LARP4B: variants seen among roughly 807,000 people sequenced by gnomAD.
LARP4B encodes La ribonucleoprotein 4B, also known as la-related protein 4B.
A neutral mutation model predicts 89.8 loss-of-function variants in LARP4B; 12 were observed. That is an observed-to-expected ratio of 0.13 (90% CI 0.09 to 0.22). LARP4B has a LOEUF of 0.22. LARP4B is among the 10% of genes least tolerant of loss of function. LARP4B has a pLI of 1.00. For synonymous variants in LARP4B, 367 were observed against 363.3 expected (o/e 1.01, Z -0.12); for missense variants, 757 against 947.7 (o/e 0.80, Z 2.64).
intron 1 of LARP4B, among the ~76,000 whole-genome samples, chr10:930,311 T>C (rs1837262164): frequency 6.6e-6 from 1 of 152,210 alleles, no homozygotes; most frequent in African/African-American, 2.4e-5. Context: ...GCCTCACGCA[T>C]ACTGTTTATA....
intron 14 of LARP4B, 68 bp downstream of exon 14, chr10:820,732 T>C (rs1832309226): frequency 1.5e-6 from 2 of 1,370,970 alleles, no homozygotes; most frequent in Non-Finnish European, 2.1e-6. Context: ...TCCATTTAAT[T>C]AAATCTCAGG....
chr10:867,304 G>C (rs1936159274), intron 3 of LARP4B, among the ~76,000 whole-genome samples: 1 of 152,146 alleles, frequency 6.6e-6, no homozygotes, highest in Admixed American at 6.5e-5. Flanking sequence ...ACAAGTCTTG[G>C]AGGTCGTTAT....
chr10:884,176 T>C lies in LARP4B; in HGVS notation c.141+271A>G, dbSNP rs1009220624. On this transcript the variant is annotated intron_variant, in intron 3 of 17. Coordinates refer to ENST00000316157, the MANE Select transcript of LARP4B (RefSeq NM_015155.3). ...GATTATCAATGATACAATAAAAATT[T>C]TGTAATATTTGAAAATAAATTAATC... Among the ~76,000 whole-genome samples the C allele has an allele frequency of 5.9e-5, 9 of 152,228 alleles. No homozygotes were observed. The East Asian group carries it at 1.5e-3, about 26-fold the overall frequency.
downstream of LARP4B, chr10:807,893 T>C (rs1256623063): frequency 1.3e-5 from 2 of 152,308 alleles, no homozygotes; most frequent in African/African-American, 4.8e-5. Context: ...CACACCTTCG[T>C]CTAAGCAGAC....
chr10:945,275 T>G, the LARP4B span, among the ~76,000 whole-genome samples: 1 of 151,492 alleles, frequency 6.6e-6, no homozygotes, highest in Non-Finnish European at 1.5e-5. Context: ...TCCCAGCTAT[T>G]CAGGAGGCTG....
At chr10:841,005 T>C (rs780908793) in intron 7 of LARP4B, among the ~76,000 whole-genome samples, 1 of 152,104 alleles carries the variant, frequency 6.6e-6, no homozygotes, top group Admixed American at 6.5e-5. Context: ...TACAAAAAAT[T>C]AGCTGGGCGT....
At chr10:827,257 C>G (rs1012357232) in intron 11 of LARP4B, among the ~76,000 whole-genome samples, 13 of 149,238 alleles carry the variant, frequency 8.7e-5, no homozygotes, top group African/African-American at 3.3e-4. Flanking sequence ...GCCTGGGCGA[C>G]AGAGAGAGAC....
rs1215041359 is a variant in LARP4B at position 872,764 on chromosome 10, C to T, written c.142-8494G>A. Among the ~76,000 whole-genome samples the T allele has an allele frequency of 4.6e-5, 7 of 152,184 alleles. 1 individual carries two copies. Among genetic ancestry groups the T allele is most frequent in the Admixed American group, 4.6e-4 (7 of 15,284 alleles). ...AACAACCTTGTCGGCTGCCGTTACCCACACACAGTAGATCACAGACCCCCT... is the reference window on the plus strand; with the variant it reads ...AACAACCTTGTCGGCTGCCGTTACCTACACACAGTAGATCACAGACCCCCT... On this transcript the variant is annotated intron_variant, in intron 3 of 17. Coordinates refer to ENST00000316157, the MANE Select transcript of LARP4B (RefSeq NM_015155.3).
chr10:949,466 G>T, the LARP4B span, among the ~76,000 whole-genome samples: 2 of 150,026 alleles, frequency 1.3e-5, no homozygotes, highest in Non-Finnish European at 2.9e-5. Context: ...TCTCCAACCT[G>T]TTTTCCAGGC....
intron 13 of LARP4B, among the ~76,000 whole-genome samples, chr10:821,983 C>T (rs932750885): frequency 2.6e-5 from 4 of 152,164 alleles, no homozygotes; most frequent in Non-Finnish European, 4.4e-5. Flanking sequence ...TGCTCCTTGT[C>T]CTGGATCCAT....
intron 1 of LARP4B, among the ~76,000 whole-genome samples, chr10:898,986 G>C (rs1182076013): frequency 6.6e-6 from 1 of 152,196 alleles, no homozygotes; most frequent in Admixed American, 6.5e-5. Context: ...CCTCAGAGAA[G>C]TGCACCTACA....
rs763935481 is a variant in LARP4B, at chr10:810,545, A to C, written c.*2381T>G. 6.6e-5 allele frequency: 10 copies of C among 152,264 alleles called. No homozygotes were observed. Among genetic ancestry groups the C allele is most frequent in the Non-Finnish European group, 1.3e-4 (9 of 68,068 alleles). The allele number at this position is 152,264 out of a possible 1,614,324, so 9.4% of individuals were successfully genotyped here. ...ACTTCGGTCGACAAAGTGAAGGACT[A>C]AGCTGGCTCTAACCACACACACACA... On this transcript the variant is annotated 3_prime_UTR_variant, in exon 18 of 18. Coordinates refer to ENST00000316157, the MANE Select transcript of LARP4B (RefSeq NM_015155.3).
intron 5 of LARP4B, among the ~76,000 whole-genome samples, chr10:860,852 TAGTGATAGAAAAC>T (rs1303045446): frequency 2.0e-5 from 3 of 151,956 alleles, no homozygotes; most frequent in Admixed American, 6.6e-5. Context: ...AACTGACATA[TAGTGATAGAAAAC>T]AGACCACTGG....
At chr10:828,442 C>G (rs1295118798) in intron 11 of LARP4B, among the ~76,000 whole-genome samples, 1 of 152,198 alleles carries the variant, frequency 6.6e-6, no homozygotes, top group Non-Finnish European at 1.5e-5. Context: ...TCCGTGTATA[C>G]AGGCACTTGT....
intron 1 of LARP4B, among the ~76,000 whole-genome samples, chr10:924,606 T>A (rs1343335034): frequency 6.6e-6 from 1 of 152,254 alleles, no homozygotes; most frequent in Non-Finnish European, 1.5e-5. Context: ...TTCAGCCTTG[T>A]TCACACTAGT....
At chr10:891,538 C>G (rs143988338) in intron 1 of LARP4B, among the ~76,000 whole-genome samples, 1 of 152,062 alleles carries the variant, frequency 6.6e-6, no homozygotes. Context: ...TGAAATCTTC[C>G]TCAAAGTACT....
chr10:814,515 A>T lies in LARP4B; in HGVS notation c.1929+227T>A, dbSNP rs1201119050. ...AAGAAACCTCTATTGACCAACACTG[A>T]AATAAAAGGACTACATGGTGGTCTG... On this transcript the variant is annotated intron_variant, in intron 17 of 17. Coordinates refer to ENST00000316157, the MANE Select transcript of LARP4B (RefSeq NM_015155.3). This position sits in a 1 kb window ranked among gnomAD's most constrained non-coding sequence, Gnocchi z 4.4. The T allele has an allele frequency of 1.1e-6, 1 of 883,340 alleles. No individual in the cohort carries two copies. Among genetic ancestry groups the T allele is most frequent in the East Asian group, 3.0e-5 (1 of 33,056 alleles). 54.7% of individuals were successfully genotyped at this position (883,340 alleles called of 1,614,324 possible).
the LARP4B span, among the ~76,000 whole-genome samples, chr10:978,777 T>C: frequency 6.6e-6 from 1 of 152,244 alleles, no homozygotes; most frequent in Admixed American, 6.5e-5. Flanking sequence ...ACTTTGCTTC[T>C]ATTGCAAGTA....
the LARP4B span, among the ~76,000 whole-genome samples, chr10:956,415 G>A: frequency 1.3e-5 from 2 of 150,956 alleles, no homozygotes; most frequent in Non-Finnish European, 2.9e-5. The surrounding 1 kb of genome is among the most constrained non-coding windows in gnomAD (Gnocchi z 4.3). Context: ...GCGCGATCTC[G>A]GCTCACTGCA....
Sources: allele counts gnomAD v4.1 joint callset (sites outside exome capture counted in the v4.1 genomes callset), GRCh38; gene constraint gnomAD v4.1.1; non-coding constraint Gnocchi (gnomAD v3.1); transcripts MANE v1.5; gene names NCBI Gene and HGNC (gene_info 2026-07-23, HGNC 2026-07-21).